UGGT2: variants seen among roughly 807,000 people sequenced by gnomAD.
The protein encoded by UGGT2 is UDP-glucose:glycoprotein glucosyltransferase 2.
Under a neutral mutation model 192.1 loss-of-function variants are expected in UGGT2, and 180 were observed. The observed-to-expected ratio is 0.94, with a 90% CI of 0.83 to 1.06. The LOEUF is 1.06. UGGT2 is among the 50% of genes least tolerant of loss of function. The probability of loss-of-function intolerance (pLI) is 0.00; values close to 1 mark genes in which losing one functional copy is unlikely to be tolerated. For missense variants in UGGT2, 1,849 were observed against 1,795.7 expected (o/e 1.03, Z -0.54); for synonymous variants, 580 against 591.0 (o/e 0.98, Z 0.27).
intron 38 of UGGT2, among the ~76,000 whole-genome samples, chr13:95,811,361 A>G (rs1161858816): frequency 3.3e-5 from 5 of 152,232 alleles, no homozygotes; most frequent in Admixed American, 6.5e-5. Flanking sequence ...GTTACTAATT[A>G]TGACACTGGA....
At chr13:96,045,150 G>T (rs1475975141) in intron 1 of UGGT2, among the ~76,000 whole-genome samples, 3 of 152,164 alleles carry the variant, frequency 2.0e-5, no homozygotes, top group Admixed American at 2.0e-4. Flanking sequence ...CCACCATTAT[G>T]AAGTGGGTTT....
At chr13:95,927,595 C>T (rs1566709590) in intron 17 of UGGT2, among the ~76,000 whole-genome samples, 1 of 151,672 alleles carries the variant, frequency 6.6e-6, no homozygotes, top group Non-Finnish European at 1.5e-5. Context: ...CTATTGTGAG[C>T]AGGACAATTC....
intron 27 of UGGT2, among the ~76,000 whole-genome samples, chr13:95,880,120 T>C (rs1321893850): frequency 6.6e-6 from 1 of 152,218 alleles, no homozygotes; most frequent in Non-Finnish European, 1.5e-5. Context: ...ATTTTTCTAA[T>C]AGGATATTAA....
In UGGT2 at chr13:95,859,593, T is replaced by C; in HGVS notation, c.3823A>G (p.Lys1275Glu). Residue 1275 changes from lysine to glutamate, a missense_variant and splice_region_variant, in exon 33 of 39, where the codon AAA becomes GAA. Transcript: ENST00000376747. ...LLKNYLSPTF[K>E]EVIPHMAKEY... is the part of the protein sequence containing the mutation. ...TACAAAAAAAGCTATGTACTTACTT[T>C]AAATGTCGGTGAGAGATAATTTTTT... is the stretch of plus-strand genomic sequence containing the variant. The C allele has an allele frequency of 1.9e-6, 3 of 1,608,246 alleles. No homozygotes were observed. The highest frequency in any genetic ancestry group is 2.5e-6 in the Non-Finnish European group (3 of 1,176,858).
chr13:95,962,858 G>A (rs1883610504), intron 12 of UGGT2, among the ~76,000 whole-genome samples: 1 of 152,096 alleles, frequency 6.6e-6, no homozygotes, highest in South Asian at 2.1e-4. Context: ...AGGACTTACA[G>A]TTCCATATGA....
intron 7 of UGGT2, chr13:95,995,830 A>C (rs1415751425): frequency 2.1e-6 from 1 of 483,432 alleles, no homozygotes; most frequent in South Asian, 2.3e-5. Flanking sequence ...ATTATGAGTT[A>C]TCTCTTTAAT....
chr13:95,905,240 G>C (rs2048248937), intron 20 of UGGT2, among the ~76,000 whole-genome samples: 2 of 148,668 alleles, frequency 1.3e-5, no homozygotes. Flanking sequence ...CTCCCATTTT[G>C]TAGGTTGCCT....
At chr13:96,042,770 C>T (rs900114313) in intron 1 of UGGT2, among the ~76,000 whole-genome samples, 2 of 151,938 alleles carry the variant, frequency 1.3e-5, no homozygotes, top group Non-Finnish European at 2.9e-5. Flanking sequence ...AACTTCAGAG[C>T]TTGAGGACAC....
intron 15 of UGGT2, among the ~76,000 whole-genome samples, chr13:95,943,708 T>C (rs2049768997): frequency 6.6e-6 from 1 of 152,048 alleles, no homozygotes; most frequent in African/African-American, 2.4e-5. Context: ...CTTTTGAGTC[T>C]CCTCTGTAGG....
At chr13:95,843,028 A>AG (rs1185330686) in intron 36 of UGGT2, among the ~76,000 whole-genome samples, 3 of 152,214 alleles carry the variant, frequency 2.0e-5, no homozygotes, top group African/African-American at 7.2e-5. Flanking sequence ...TAACAAATAC[A>AG]GGGGGGTTGT....
chr13:95,949,568 CTGAT>C (rs2080604668), intron 12 of UGGT2, 114 bp from the exon 13 acceptor site: 4 of 1,068,010 alleles, frequency 3.7e-6, no homozygotes, highest in Non-Finnish European at 3.7e-6. Flanking sequence ...TTCTATATTT[CTGAT>C]TAAATAGAGG....
At chr13:95,996,198 T>A in intron 6 of UGGT2, 63 bp from the exon 7 acceptor site, 1 of 1,462,780 alleles carries the variant, frequency 6.8e-7, no homozygotes, top group Non-Finnish European at 9.5e-7. Context: ...AAAGAACATG[T>A]AATCAAAAAT....
chr13:95,817,278 A>G (rs952030455), intron 38 of UGGT2, among the ~76,000 whole-genome samples: 1 of 152,074 alleles, frequency 6.6e-6, no homozygotes, highest in African/African-American at 2.4e-5. Flanking sequence ...AAGTTAGAAA[A>G]ATTTATACTC....
intron 5 of UGGT2, among the ~76,000 whole-genome samples, chr13:96,008,434 C>A (rs930600931): frequency 1.3e-5 from 2 of 152,130 alleles, no homozygotes; most frequent in African/African-American, 4.8e-5. Flanking sequence ...AAAGAGAAAG[C>A]AAACTATACC....
At chr13:95,994,086 T>A (rs2051542312) in intron 7 of UGGT2, among the ~76,000 whole-genome samples, 1 of 152,134 alleles carries the variant, frequency 6.6e-6, no homozygotes, top group Non-Finnish European at 1.5e-5. Flanking sequence ...ATACATTTGT[T>A]CAAGCTAAAG....
chr13:95,968,244 G>A (rs189287697), intron 12 of UGGT2, among the ~76,000 whole-genome samples: 2 of 151,800 alleles, frequency 1.3e-5, no homozygotes, highest in Non-Finnish European at 2.9e-5. Flanking sequence ...GGACATAATG[G>A]TAAGAGAAAA....
chr13:95,921,186 T>C (rs1459873609), intron 20 of UGGT2, among the ~76,000 whole-genome samples: 1 of 151,848 alleles, frequency 6.6e-6, no homozygotes, highest in Non-Finnish European at 1.5e-5. Flanking sequence ...CACACTGTGG[T>C]CTGTTGGGGG....
intron 33 of UGGT2, 70 bp from the exon 34 acceptor site, chr13:95,856,410 A>G: frequency 6.5e-7 from 1 of 1,532,760 alleles, no homozygotes; most frequent in Non-Finnish European, 8.8e-7. Context: ...GAAAAAAATA[A>G]CATTAAAAAG....
intron 12 of UGGT2, among the ~76,000 whole-genome samples, chr13:95,964,049 G>A (rs1000384745): frequency 6.6e-6 from 1 of 152,078 alleles, no homozygotes; most frequent in Admixed American, 6.5e-5. Context: ...AAAACTGGAT[G>A]CATCACACCA....
Sources: allele counts gnomAD v4.1 joint callset (sites outside exome capture counted in the v4.1 genomes callset), GRCh38; gene constraint gnomAD v4.1.1; transcripts MANE v1.5; gene names NCBI Gene and HGNC (gene_info 2026-07-23, HGNC 2026-07-21).